CTNNA3: variants seen among roughly 807,000 people sequenced by gnomAD.
CTNNA3 encodes catenin alpha 3, also known as catenin alpha-3.
A neutral mutation model predicts 95.7 loss-of-function variants in CTNNA3; 76 were observed. That is an observed-to-expected ratio of 0.79 (90% CI 0.66 to 0.96). CTNNA3 has a LOEUF of 0.96. CTNNA3 is among the 40% of genes least tolerant of loss of function. The pLI, the probability that CTNNA3 is intolerant of heterozygous loss-of-function variation, is 0.00. For missense variants in CTNNA3, 1,191 were observed against 1,089.8 expected, an observed-to-expected ratio of 1.09 and a Z score of -1.31; for synonymous variants, 431 against 374.4, an observed-to-expected ratio of 1.15 and a Z score of -1.74.
chr10:67,042,232 G>A (rs1360804609), intron 7 of CTNNA3, among the ~76,000 whole-genome samples: 1 of 152,088 alleles, frequency 6.6e-6, no homozygotes, highest in East Asian at 1.9e-4. Context: ...TGCAGGGGAT[G>A]AGCAATGGAA....
chr10:66,201,393 C>T (rs993733981), intron 13 of CTNNA3, among the ~76,000 whole-genome samples: 7 of 152,250 alleles, frequency 4.6e-5, no homozygotes, highest in Middle Eastern at 3.4e-3. Context: ...GAAGAACTGC[C>T]CTGCTGTAAA....
At chr10:66,674,448 C>T (rs1846775554) in intron 9 of CTNNA3, among the ~76,000 whole-genome samples, 1 of 151,750 alleles carries the variant, frequency 6.6e-6, no homozygotes, top group South Asian at 2.1e-4. Context: ...GCTATTTTAC[C>T]TTGGGCAAGG....
chr10:66,453,195 C>A (rs183086282), intron 11 of CTNNA3, among the ~76,000 whole-genome samples: 2 of 149,962 alleles, frequency 1.3e-5, no homozygotes, highest in African/African-American at 5.0e-5. Context: ...GCAGCCTGGG[C>A]GACAGAAGGA....
chr10:66,157,429 GTAGATAGA>G (rs1299634844), intron 13 of CTNNA3, among the ~76,000 whole-genome samples: 1 of 135,814 alleles, frequency 7.4e-6, no homozygotes, highest in African/African-American at 2.7e-5. Context: ...AGGTAGGTAG[GTAGATAGA>G]TAGATAGATG....
In CTNNA3 at chr10:67,180,408, C is replaced by T. The variant is rs554639014; in HGVS notation, c.956G>A (p.Cys319Tyr). 1 of 1,613,830 alleles carries T rather than the reference C, an allele frequency of 6.2e-7. No individual in the cohort carries two copies. Among genetic ancestry groups the T allele is most frequent in the South Asian group, 1.1e-5 (1 of 91,062 alleles). ...CCGCTCTCGGTGTAAGTCCCTCGTACATGAAGAATCCGCCAGCAGAGCAGC... is the reference window on the plus strand; with the variant it reads ...CCGCTCTCGGTGTAAGTCCCTCGTATATGAAGAATCCGCCAGCAGAGCAGC... Reference protein sequence around the residue: ...SGAALLADSSCTRDLHRERII... With the variant: ...SGAALLADSSYTRDLHRERII... The change falls in exon 7 of 18, where the codon TGT becomes TAT. Residue 319 changes from cysteine (C) to tyrosine (Y), a missense_variant. Transcript: ENST00000433211.
At chr10:67,248,831 C>G (rs183080249) in intron 5 of CTNNA3, among the ~76,000 whole-genome samples, 79 of 152,286 alleles carry the variant, frequency 5.2e-4, no homozygotes, top group African/African-American at 1.9e-3. Context: ...CTGTCTCAAC[C>G]TATTTATGCC....
intron 5 of CTNNA3, among the ~76,000 whole-genome samples, chr10:67,396,368 A>G (rs1844706493): frequency 6.6e-6 from 1 of 152,204 alleles, no homozygotes; most frequent in Admixed American, 6.5e-5. Context: ...TATCATTATT[A>G]ATATGGTATC....
intron 7 of CTNNA3, among the ~76,000 whole-genome samples, chr10:66,905,953 A>C (rs1812349655): frequency 6.6e-6 from 1 of 152,196 alleles, no homozygotes; most frequent in Non-Finnish European, 1.5e-5. Flanking sequence ...TGTGCACTTA[A>C]AATTTTGTTA....
chr10:66,699,590 G>A (rs1847875906), intron 9 of CTNNA3, among the ~76,000 whole-genome samples: 1 of 151,502 alleles, frequency 6.6e-6, no homozygotes, highest in South Asian at 2.1e-4. Flanking sequence ...ATACACATAT[G>A]CACATGTGCA....
chr10:66,113,009 T>C lies in CTNNA3; in HGVS notation c.1885-9760A>G, dbSNP rs2082176742. Among the ~76,000 whole-genome samples, 3 of 152,178 alleles carry C rather than the reference T, an allele frequency of 2.0e-5. No individual in the cohort carries two copies. In the South Asian group the frequency reaches 6.2e-4, roughly 32 times the overall value. ...AACCAGAAGTAGGATTGCTGGATCA[T>C]ATAGTAGTTCTGTTTTTAATTTTGA... On this transcript the variant is annotated intron_variant, in intron 13 of 17. Transcript: ENST00000433211.
intron 6 of CTNNA3, among the ~76,000 whole-genome samples, chr10:67,212,796 A>G (rs1331247237): frequency 6.6e-6 from 1 of 151,910 alleles, no homozygotes; most frequent in Non-Finnish European, 1.5e-5. Context: ...GAATAAATTC[A>G]ACTTTGTCAT....
At chr10:66,272,898 G>A (rs1169897408) in intron 13 of CTNNA3, among the ~76,000 whole-genome samples, 2 of 152,042 alleles carry the variant, frequency 1.3e-5, no homozygotes, top group East Asian at 1.9e-4. Context: ...CCATCAGTCC[G>A]AACACATTTC....
At position 66,509,412 on chromosome 10, in the gene CTNNA3, T is replaced by C. The variant is rs543397732; in HGVS notation, c.1531+11205A>G. Among the ~76,000 whole-genome samples the C allele has an allele frequency of 1.9e-4, 29 of 152,120 alleles. No individual in the cohort carries two copies. In the South Asian group the frequency reaches 6.0e-3, roughly 32 times the overall value. On this transcript the variant is annotated intron_variant, in intron 11 of 17. Transcript: ENST00000433211. ...ATATAGTCTGATTTGTCTATTTTTGTTTTTGTGGTCTTAACCATAAAGTCT... is the reference window on the plus strand; with the variant it reads ...ATATAGTCTGATTTGTCTATTTTTGCTTTTGTGGTCTTAACCATAAAGTCT...
In CTNNA3 at chr10:66,743,731, A is replaced by C. The variant is rs1467156453; in HGVS notation, c.1281+22533T>G. Among the ~76,000 whole-genome samples, 4 of 152,098 alleles carry C rather than the reference A, an allele frequency of 2.6e-5. No individual in the cohort carries two copies. The East Asian group carries it at 7.7e-4, about 29-fold the overall frequency. ...GGTGGCTCATGACTGTAATCCCAGC[A>C]CTTTGGAAGGCCAAGGCGGGTGGAT... On this transcript the variant is annotated intron_variant, in intron 9 of 17. Transcript: ENST00000433211.
chr10:66,321,872 G>A (rs2092191981), intron 12 of CTNNA3, among the ~76,000 whole-genome samples: 1 of 152,140 alleles, frequency 6.6e-6, no homozygotes, highest in South Asian at 2.1e-4. Flanking sequence ...AGGCTGTGAT[G>A]TGTGGCCTTG....
At chr10:66,477,601 C>T (rs1839373015) in intron 11 of CTNNA3, among the ~76,000 whole-genome samples, 1 of 152,040 alleles carries the variant, frequency 6.6e-6, no homozygotes. Context: ...ATGCATTCTA[C>T]AACCCCATCA....
intron 7 of CTNNA3, among the ~76,000 whole-genome samples, chr10:66,985,780 T>G (rs1387401774): frequency 6.6e-6 from 1 of 152,148 alleles, no homozygotes; most frequent in Admixed American, 6.5e-5. Flanking sequence ...CATGCTGGAG[T>G]GCAGTACCAT....
Position 67,664,277 on chromosome 10 carries a change from T to G in CTNNA3, c.-5-16759A>C, listed in dbSNP as rs181639068. Among the ~76,000 whole-genome samples, 83 of 152,348 alleles carry G rather than the reference T, an allele frequency of 5.4e-4. 2 individuals are homozygous for G. The East Asian group carries it at 0.015, about 27-fold the overall frequency. ...AACTAAGCTTCTTTAATCTCTCTTCTGAACTAACCAAATTTTTTTCTGAAC... is the reference window on the plus strand; with the variant it reads ...AACTAAGCTTCTTTAATCTCTCTTCGGAACTAACCAAATTTTTTTCTGAAC... On this transcript the variant is annotated intron_variant, in intron 1 of 17. Transcript: ENST00000433211.
At chr10:66,548,486 T>G (rs1745203685) in intron 10 of CTNNA3, among the ~76,000 whole-genome samples, 1 of 152,154 alleles carries the variant, frequency 6.6e-6, no homozygotes, top group South Asian at 2.1e-4. Flanking sequence ...AGTGTGATTG[T>G]AAACATCTTT....
Sources: allele counts gnomAD v4.1 joint callset (sites outside exome capture counted in the v4.1 genomes callset), GRCh38; gene constraint gnomAD v4.1.1; transcripts MANE v1.5; gene names NCBI Gene and HGNC (gene_info 2026-07-23, HGNC 2026-07-21).